Variants in EPM2A observed in about 807,000 individuals in gnomAD.
EPM2A encodes EPM2A glucan phosphatase, laforin, also known as laforin.
EPM2A carries 21 observed loss-of-function variants against 26.5 expected under a neutral mutation model. The ratio of observed to expected loss-of-function variants is 0.79; its 90% CI spans 0.56 to 1.14. EPM2A has a LOEUF of 1.14. Ranked by LOEUF, EPM2A falls within the 50% of genes most tolerant of loss-of-function variation. The pLI, the probability that EPM2A is intolerant of heterozygous loss-of-function variation, is 0.00. For missense variants in EPM2A, 458 were observed against 440.8 expected, an observed-to-expected ratio of 1.04 and a Z score of -0.35; for synonymous variants, 217 against 177.6, an observed-to-expected ratio of 1.22 and a Z score of -1.76.
rs78553434 is a variant in EPM2A, at chr6:145,567,431, T to G, written c.341-64856A>C. ...TTTCTTGCTCAAGTCAAGTGCAATGTAGGTTGGAAAGCCAGATCTATTGTG... is the reference window on the plus strand; with the variant it reads ...TTTCTTGCTCAAGTCAAGTGCAATGGAGGTTGGAAAGCCAGATCTATTGTG... On this transcript the variant is annotated intron_variant, in intron 2 of 3. Transcript: ENST00000450221. 4.6e-3 allele frequency among the ~76,000 whole-genome samples: 707 copies of G among 152,340 alleles called. 26 individuals are homozygous for G. The East Asian group carries it at 0.084, about 18-fold the overall frequency.
intron 2 of EPM2A, among the ~76,000 whole-genome samples, chr6:145,611,115 T>C (rs147989899): frequency 6.6e-5 from 10 of 152,274 alleles, no homozygotes; most frequent in Middle Eastern, 3.4e-3. Context: ...TATGAAAAAA[T>C]AGACCACGAA....
At chr6:145,536,782 A>T (rs765718589) in intron 2 of EPM2A, among the ~76,000 whole-genome samples, 3 of 152,202 alleles carry the variant, frequency 2.0e-5, no homozygotes, top group Admixed American at 1.3e-4. Flanking sequence ...ATGAAAACTA[A>T]CCAAATGAGA....
chr6:145,705,673 C>A (rs1782182822), intron 1 of EPM2A: 1 of 416,744 alleles, frequency 2.4e-6, no homozygotes, highest in South Asian at 1.7e-5. Context: ...ACCATCAAGG[C>A]AATCCCTATT....
intron 2 of EPM2A, among the ~76,000 whole-genome samples, chr6:145,547,630 C>T (rs1463542267): frequency 6.6e-6 from 1 of 152,102 alleles, no homozygotes; most frequent in Non-Finnish European, 1.5e-5. Flanking sequence ...AATTATGTTA[C>T]ACATTTTTAC....
At chr6:145,447,182 A>G (rs1028134819) in intron 4 of EPM2A, among the ~76,000 whole-genome samples, 14 of 152,192 alleles carry the variant, frequency 9.2e-5, no homozygotes, top group African/African-American at 3.4e-4. Context: ...GAAGGAAGAA[A>G]TAAAAGAAGG....
At chr6:145,450,503 T>C (rs1054233391) in intron 4 of EPM2A, among the ~76,000 whole-genome samples, 1 of 152,116 alleles carries the variant, frequency 6.6e-6, no homozygotes, top group Non-Finnish European at 1.5e-5. Flanking sequence ...AAAAGGCACA[T>C]ACAAGAATGA....
At chr6:145,473,617 T>C (rs28800626) in intron 4 of EPM2A, among the ~76,000 whole-genome samples, 10,701 of 152,080 alleles carry the variant, frequency 0.07, 1,096 homozygotes, top group African/African-American at 0.22. Flanking sequence ...AGGCATTTAA[T>C]AGTCAAAACT....
chr6:145,387,255 AC>A (rs1778275129), intron 4 of EPM2A, among the ~76,000 whole-genome samples: 1 of 152,168 alleles, frequency 6.6e-6, no homozygotes, highest in African/African-American at 2.4e-5. Context: ...ACACACTGAG[AC>A]AAAGACCTTC....
At chr6:145,567,824 C>T (rs1437193919) in intron 2 of EPM2A, among the ~76,000 whole-genome samples, 2 of 152,224 alleles carry the variant, frequency 1.3e-5, no homozygotes, top group Non-Finnish European at 2.9e-5. Context: ...CCATCACTCT[C>T]TCAGAGTCTG....
At chr6:145,614,809 GTAGA>G (rs1396155321) in intron 2 of EPM2A, among the ~76,000 whole-genome samples, 1 of 152,172 alleles carries the variant, frequency 6.6e-6, no homozygotes, top group African/African-American at 2.4e-5. Flanking sequence ...AATCACCATA[GTAGA>G]TAGAATAATA....
intron 1 of EPM2A, among the ~76,000 whole-genome samples, chr6:145,714,243 A>T (rs1775491537): frequency 6.6e-6 from 1 of 152,224 alleles, no homozygotes; most frequent in Admixed American, 6.5e-5. Context: ...AAATCTGCAG[A>T]TGCTCAAGTC....
intron 4 of EPM2A, among the ~76,000 whole-genome samples, chr6:145,483,090 A>G (rs931840071): frequency 2.6e-5 from 4 of 152,138 alleles, no homozygotes; most frequent in African/African-American, 9.7e-5. Flanking sequence ...TGAGAAAAGC[A>G]AATGGGCGAA....
chr6:145,609,550 G>C (rs986956107), intron 2 of EPM2A, among the ~76,000 whole-genome samples: 2 of 152,164 alleles, frequency 1.3e-5, no homozygotes, highest in Non-Finnish European at 2.9e-5. Context: ...AGCTATGGCT[G>C]CCTTTCTCTT....
At chr6:145,730,798 C>T (rs117674351) in intron 1 of EPM2A, among the ~76,000 whole-genome samples, 1,654 of 152,176 alleles carry the variant, frequency 0.011, 13 homozygotes, top group Admixed American at 0.018. Context: ...ACAGATGTTA[C>T]GAGAAAGAAT....
rs187362046 is a variant in EPM2A at position 145,534,540 on chromosome 6, C to A, written c.341-31965G>T. On this transcript the variant is annotated intron_variant, in intron 2 of 3. Coordinates refer to the EPM2A transcript ENST00000450221. ...AACACAAAGCCTTTTCTAAGTTATG[C>A]ACCTCTTAGGAGTCCACATGTATCT... Among the ~76,000 whole-genome samples, 3 of 152,304 alleles carry A rather than the reference C, an allele frequency of 2.0e-5. No homozygotes were observed. In the East Asian group the frequency reaches 5.8e-4, roughly 29 times the overall value.
chr6:145,473,810 G>T (rs1779506477), intron 4 of EPM2A, among the ~76,000 whole-genome samples: 1 of 152,020 alleles, frequency 6.6e-6, no homozygotes. Flanking sequence ...TAATATAACT[G>T]GTGAAAATAT....
intron 4 of EPM2A, among the ~76,000 whole-genome samples, chr6:145,492,727 C>G (rs564022242): frequency 2.6e-5 from 4 of 152,284 alleles, no homozygotes; most frequent in African/African-American, 9.6e-5. Flanking sequence ...TGATAGCTGT[C>G]AAGCCATCCC....
chr6:145,619,300 T>C (rs1277112350), intron 2 of EPM2A, among the ~76,000 whole-genome samples: 1 of 152,160 alleles, frequency 6.6e-6, no homozygotes, highest in Non-Finnish European at 1.5e-5. Context: ...TAGACGATGA[T>C]TGAGAAAATT....
rs187618127 is a variant in EPM2A at position 145,666,164 on chromosome 6, G to A, written c.476+19958C>T. On this transcript the variant is annotated intron_variant, in intron 2 of 3. Transcript: ENST00000367519. ...CATAGTGTTGGAAGTTCTGGCCAGG[G>A]CAATCAGGCAGAAGAAGGAAATAAA... Among the ~76,000 whole-genome samples the A allele has an allele frequency of 1.1e-3, 157 of 138,034 alleles. 1 individual carries two copies. Among genetic ancestry groups the A allele is most frequent in the African/African-American group, 4.1e-3 (145 of 34,974 alleles). 90.6% of individuals were successfully genotyped at this position (138,034 alleles called of 152,430 possible).
Sources: allele counts gnomAD v4.1 joint callset (sites outside exome capture counted in the v4.1 genomes callset), GRCh38; gene constraint gnomAD v4.1.1; transcripts MANE v1.5; gene names NCBI Gene and HGNC (gene_info 2026-07-23, HGNC 2026-07-21).